Variants in NOS1 observed in about 807,000 individuals in gnomAD.
NOS1 encodes nitric oxide synthase 1.
A neutral mutation model predicts 164.5 loss-of-function variants in NOS1; 51 were observed. The ratio of observed to expected loss-of-function variants is 0.31; its 90% CI spans 0.25 to 0.39. NOS1 has a LOEUF of 0.39. Ranked by LOEUF, NOS1 falls within the 10% of genes least tolerant of loss-of-function variation. The pLI is 1.00. For synonymous variants in NOS1, 719 were observed against 745.8 expected, an observed-to-expected ratio of 0.96 and a Z score of 0.59; for missense variants, 1,362 against 1,885.6, an observed-to-expected ratio of 0.72 and a Z score of 5.14.
At chr12:117,240,143 T>G (rs1870053473) in intron 20 of NOS1, among the ~76,000 whole-genome samples, 1 of 152,206 alleles carries the variant, frequency 6.6e-6, no homozygotes, top group Admixed American at 6.5e-5. Flanking sequence ...ACAATGCTAC[T>G]TAAATCATCC....
chr12:117,214,195 A>T lies in NOS1; in HGVS notation c.*1114T>A. On this transcript the variant is annotated 3_prime_UTR_variant, in exon 29 of 29. Transcript: ENST00000317775. The stretch of plus-strand genomic sequence containing the variant: ...TGAAGCAGCAAGCCCGCTTTGGGGG[A>T]ATAAAAAAATAATAATCATATTGTT... 6.1e-6 allele frequency: 6 copies of T among 985,356 alleles called. No individual in the cohort carries two copies. The highest frequency in any genetic ancestry group is 7.2e-6 in the Non-Finnish European group (6 of 829,908). 61.0% of individuals were successfully genotyped at this position (985,356 alleles called of 1,614,324 possible).
intron 20 of NOS1, among the ~76,000 whole-genome samples, chr12:117,241,453 T>G (rs1454186084): frequency 1.3e-5 from 2 of 151,394 alleles, no homozygotes; most frequent in Admixed American, 1.3e-4. Flanking sequence ...AAACAGCCAG[T>G]CCTTGGAATC....
chr12:117,214,764 A>G lies in NOS1; in HGVS notation c.*545T>C, dbSNP rs1055452785. 8 of 985,204 alleles carry G rather than the reference A, an allele frequency of 8.1e-6. No homozygotes were observed. The highest frequency in any genetic ancestry group is 9.6e-6 in the Non-Finnish European group (8 of 830,046). The allele number at this position is 985,204 out of a possible 1,614,324, so 61.0% of individuals were successfully genotyped here. ...ACGTTTCTTGGCATTGAGGGTCTTC[A>G]ATGAAAGCAGTGGCAATCTAAGATC... On this transcript the variant is annotated 3_prime_UTR_variant, in exon 29 of 29. Coordinates refer to ENST00000317775, the MANE Select transcript of NOS1 (RefSeq NM_000620.5).
In NOS1 at chr12:117,258,978, T is replaced by C. The variant is rs777440082; in HGVS notation, c.2472+48A>G. The stretch of plus-strand genomic sequence containing the variant: ...GAGTCTCAACCTTGGCCCCTACTTC[T>C]TCCTGATGATGGAACCACACTCTTG... On this transcript the variant is annotated intron_variant, in intron 15 of 28. Coordinates refer to ENST00000317775, the MANE Select transcript of NOS1 (RefSeq NM_000620.5). 2.8e-6 allele frequency: 4 copies of C among 1,411,376 alleles called. No homozygotes were observed. In the African/African-American group the frequency reaches 4.2e-5, roughly 15 times the overall value. 87.4% of individuals were successfully genotyped at this position (1,411,376 alleles called of 1,614,324 possible). A position where few individuals can be genotyped will look rare whatever the true frequency, so the allele number is the denominator to read the frequency against.
chr12:117,311,830 G>A (rs1349460708), intron 2 of NOS1, among the ~76,000 whole-genome samples: 1 of 152,204 alleles, frequency 6.6e-6, no homozygotes, highest in Non-Finnish European at 1.5e-5. Flanking sequence ...CTTGACAGCT[G>A]ATGTATCCCT....
intron 23 of NOS1, 109 bp from the exon 24 acceptor site, chr12:117,226,879 G>T: frequency 1.2e-6 from 1 of 816,822 alleles, no homozygotes. Flanking sequence ...TTTATCCTTT[G>T]GAATTCCTCC....
Position 117,211,742 on chromosome 12 carries a change from A to C in NOS1, c.*3567T>G. On this transcript the variant is annotated 3_prime_UTR_variant, in exon 29 of 29. Transcript: ENST00000317775. The stretch of plus-strand genomic sequence containing the variant: ...TTCTCAAACCCCAGAAATTTATGTC[A>C]GTTCCAAGACGGGTGTCTCTCTCCA... The C allele has an allele frequency of 1.0e-6, 1 of 985,462 alleles. No homozygotes were observed. Among genetic ancestry groups the C allele is most frequent in the Non-Finnish European group, 1.2e-6 (1 of 829,990 alleles). The allele number at this position is 985,462 out of a possible 1,614,324, so 61.0% of individuals were successfully genotyped here. A position where few individuals can be genotyped will look rare whatever the true frequency, so the allele number is the denominator to read the frequency against.
At chr12:117,339,457 C>T (rs570594478) in intron 1 of NOS1, among the ~76,000 whole-genome samples, 1 of 152,308 alleles carries the variant, frequency 6.6e-6, no homozygotes, top group African/African-American at 2.4e-5. Flanking sequence ...CTTTGAATGG[C>T]AGTTTGACAA....
chr12:117,351,653 C>T (rs1876625012), intron 1 of NOS1, among the ~76,000 whole-genome samples: 1 of 152,222 alleles, frequency 6.6e-6, no homozygotes, highest in African/African-American at 2.4e-5. Context: ...TCACCAACCT[C>T]AACCTTGCCA....
intron 22 of NOS1, among the ~76,000 whole-genome samples, chr12:117,229,995 C>T (rs769053215): frequency 6.6e-6 from 1 of 152,220 alleles, no homozygotes; most frequent in Non-Finnish European, 1.5e-5. Context: ...TCGTGATTCA[C>T]CACAGCCTCG....
chr12:117,302,620 T>G (rs914092571), intron 3 of NOS1, among the ~76,000 whole-genome samples: 95 of 141,256 alleles, frequency 6.7e-4, no homozygotes, highest in African/African-American at 2.5e-3. Context: ...AAAAAAAAAT[T>G]AGTTGTCTGA....
At chr12:117,260,683 T>C in intron 13 of NOS1, 74 bp from the exon 14 acceptor site, 1 of 1,505,504 alleles carries the variant, frequency 6.6e-7, no homozygotes, top group Non-Finnish European at 9.1e-7. Flanking sequence ...GGGACTTTCG[T>C]GCAAGAACCA....
Position 117,208,631 on chromosome 12 carries a change from A to G in NOS1, c.*6678T>C, listed in dbSNP as rs1956479532. On this transcript the variant is annotated 3_prime_UTR_variant, in exon 29 of 29. Coordinates refer to ENST00000317775, the MANE Select transcript of NOS1 (RefSeq NM_000620.5). ...TGGGAGGGGACTGAGACCCAGCTCA[A>G]GAGCACTGGATCTCAGTGAGTCTTA... 1.7e-6 allele frequency: 2 copies of G among 1,163,272 alleles called. No individual in the cohort carries two copies. Among genetic ancestry groups the G allele is most frequent in the Admixed American group, 3.8e-5 (1 of 26,056 alleles). The allele number at this position is 1,163,272 out of a possible 1,614,324, so 72.1% of individuals were successfully genotyped here. A position where few individuals can be genotyped will look rare whatever the true frequency, so the allele number is the denominator to read the frequency against.
chr12:117,264,902 C>T (rs1007979326), intron 12 of NOS1, among the ~76,000 whole-genome samples: 1 of 151,968 alleles, frequency 6.6e-6, no homozygotes, highest in Non-Finnish European at 1.5e-5. Flanking sequence ...TGGGGTTTCG[C>T]CATGTTGGCC....
In NOS1 at chr12:117,286,201, G is replaced by A. The variant is rs1353870412; in HGVS notation, c.1193C>T (p.Thr398Ile). The A allele has an allele frequency of 3.1e-6, 5 of 1,614,110 alleles. No homozygotes were observed. Among genetic ancestry groups the A allele is most frequent in the Non-Finnish European group, 4.2e-6 (5 of 1,180,064 alleles). The change falls in exon 6 of 29, where the codon ACT becomes ATT. Residue 398 changes from threonine (T) to isoleucine (I), a missense_variant. This residue lies in a region of NOS1 where 129 missense variants were observed against 186.0 expected (regional missense o/e 0.69). Coordinates refer to ENST00000317775, the MANE Select transcript of NOS1 (RefSeq NM_000620.5). ...EVNKEIDTTS[T>I]YQLKDTELIY... ...GAGCTCTGTGTCCTTGAGCTGGTAAGTGCTAGTGGTGTCGATCTCTTTGTT... is the reference window on the plus strand; with the variant it reads ...GAGCTCTGTGTCCTTGAGCTGGTAAATGCTAGTGGTGTCGATCTCTTTGTT...
chr12:117,349,119 C>T (rs1021681032), intron 1 of NOS1, among the ~76,000 whole-genome samples: 2 of 152,182 alleles, frequency 1.3e-5, no homozygotes, highest in African/African-American at 2.4e-5. Flanking sequence ...GTGGTTGTTC[C>T]TTTTCCCTTC....
chr12:117,278,143 T>G (rs1873335784), intron 8 of NOS1, 45 bp from the exon 9 acceptor site: 3 of 1,567,214 alleles, frequency 1.9e-6, no homozygotes, highest in Non-Finnish European at 2.6e-6. Flanking sequence ...CCCCACACCC[T>G]ACAAACACAA....
rs1956583057 is a variant in NOS1, at chr12:117,215,030, C to T, written c.*279G>A. On this transcript the variant is annotated 3_prime_UTR_variant, in exon 29 of 29. Coordinates refer to ENST00000317775, the MANE Select transcript of NOS1 (RefSeq NM_000620.5). ...GGCCATGTTCCAGTGGTTTCATGCA[C>T]CCGTGAGTTGCCCTTGTCGGCAAGA... 3.4e-6 allele frequency: 4 copies of T among 1,183,700 alleles called. No homozygotes were observed. In the East Asian group the frequency reaches 1.5e-4, roughly 43 times the overall value. 73.3% of individuals were successfully genotyped at this position (1,183,700 alleles called of 1,614,324 possible). A position where few individuals can be genotyped will look rare whatever the true frequency, so the allele number is the denominator to read the frequency against.
In NOS1 at chr12:117,356,584, TG is replaced by T. The variant is rs1282036969; in HGVS notation, c.-421+4927del. 6.6e-6 allele frequency among the ~76,000 whole-genome samples: 1 copy of T among 152,230 alleles called. No individual in the cohort carries two copies. On this transcript the variant is annotated intron_variant, in intron 1 of 28. Coordinates refer to ENST00000317775, the MANE Select transcript of NOS1 (RefSeq NM_000620.5). This position sits in a 1 kb window ranked among gnomAD's most constrained non-coding sequence, Gnocchi z 4.2. ...CCACCTTTATCTGGGCACCTGCCCT[TG>T]GGGTCTAGCACTGGCCTTGCCATTT...
Sources: gnomAD v4.1 joint callset for allele counts (sites outside exome capture counted in the v4.1 genomes callset) on GRCh38, gnomAD v4.1.1 for gene constraint, gnomAD v4.1.1 regional missense constraint, Gnocchi (gnomAD v3.1) non-coding constraint, MANE v1.5 for transcripts, NCBI Gene and HGNC (gene_info 2026-07-23, HGNC 2026-07-21) for gene names.